STPG2: variants seen among roughly 807,000 people sequenced by gnomAD.
STPG2 encodes sperm tail PG-rich repeat containing 2, also known as sperm-tail PG-rich repeat-containing protein 2.
In STPG2, 56 loss-of-function variants were observed where a neutral mutation model predicts 54.2. The observed-to-expected ratio is 1.03, with a 90% CI of 0.83 to 1.29. The LOEUF (loss-of-function observed/expected upper bound fraction) is 1.29. STPG2 is among the 50% of genes most tolerant of loss of function. The pLI is 0.00. For synonymous variants in STPG2, 200 were observed against 181.8 expected (o/e 1.10, Z -0.81); for missense variants, 596 against 544.9 (o/e 1.09, Z -0.93).
chr4:97,848,972 T>C (rs1372799565), intron 8 of STPG2, among the ~76,000 whole-genome samples: 1 of 148,954 alleles, frequency 6.7e-6, no homozygotes, highest in Non-Finnish European at 1.5e-5. Context: ...AGGATTGACT[T>C]GGCGATGTGG....
intron 10 of STPG2, among the ~76,000 whole-genome samples, chr4:97,623,467 G>GT (rs1734064792): frequency 7.9e-5 from 12 of 151,900 alleles, no homozygotes; most frequent in Admixed American, 6.6e-5. Flanking sequence ...CTTTTCAAAG[G>GT]AAGACATACA....
At chr4:97,748,377 TAA>T (rs1725483425) in intron 9 of STPG2, among the ~76,000 whole-genome samples, 1 of 151,618 alleles carries the variant, frequency 6.6e-6, no homozygotes, top group Non-Finnish European at 1.5e-5. Flanking sequence ...ATTAGAACTA[TAA>T]GTTAGAAAGA....
intron 4 of STPG2, among the ~76,000 whole-genome samples, chr4:97,455,113 G>C (rs914979123): frequency 6.6e-6 from 1 of 152,072 alleles, no homozygotes; most frequent in African/African-American, 2.4e-5. Flanking sequence ...GCTCAAAAGA[G>C]ATCACAGACC....
chr4:98,106,110 T>G (rs1384359492), intron 4 of STPG2, 46 bp from the exon 5 acceptor site: 1 of 1,208,388 alleles, frequency 8.3e-7, no homozygotes, highest in Admixed American at 3.1e-5. Context: ...ATTTTAAACC[T>G]ATAAATATTT....
chr4:97,970,148 G>A (rs922565823), intron 7 of STPG2, among the ~76,000 whole-genome samples: 1 of 152,140 alleles, frequency 6.6e-6, no homozygotes, highest in Non-Finnish European at 1.5e-5. Context: ...ACTGCTCAAC[G>A]AAATAAAAGA....
chr4:97,582,387 TC>T (rs1732884340), intron 10 of STPG2, among the ~76,000 whole-genome samples: 1 of 152,074 alleles, frequency 6.6e-6, no homozygotes, highest in Non-Finnish European at 1.5e-5. Context: ...GGTAAAAATG[TC>T]ATGGCAAGCA....
intron 5 of STPG2, among the ~76,000 whole-genome samples, chr4:98,046,713 A>T (rs1737140690): frequency 6.6e-6 from 1 of 152,066 alleles, no homozygotes; most frequent in Non-Finnish European, 1.5e-5. Flanking sequence ...ATTTTATCTC[A>T]CTCACTCTGC....
At position 98,110,004 on chromosome 4, in the gene STPG2, T is replaced by G. The variant is rs183792962; in HGVS notation, c.388-699A>C. Among the ~76,000 whole-genome samples the G allele has an allele frequency of 2.6e-4, 40 of 152,300 alleles. 1 individual carries two copies. In the East Asian group the frequency reaches 7.5e-3, roughly 29 times the overall value. On this transcript the variant is annotated intron_variant, in intron 3 of 10. Coordinates refer to ENST00000295268, the MANE Select transcript of STPG2 (RefSeq NM_174952.3). ...GCATAACACAACAGTAGCTTCTTTT[T>G]TACAGGAATCCTCTTGACCTAAAAC...
intron 10 of STPG2, among the ~76,000 whole-genome samples, chr4:97,594,307 A>G (rs1313365296): frequency 1.3e-5 from 2 of 152,244 alleles, no homozygotes; most frequent in Non-Finnish European, 1.5e-5. Flanking sequence ...GAAAGAACCA[A>G]ACTGATCTGA....
chr4:98,056,079 C>T (rs998546130), intron 5 of STPG2, among the ~76,000 whole-genome samples: 1 of 152,124 alleles, frequency 6.6e-6, no homozygotes, highest in African/African-American at 2.4e-5. Flanking sequence ...TTACTTGCAA[C>T]ACCAGCACAT....
At chr4:97,835,596 T>C (rs2149116625) in intron 9 of STPG2, among the ~76,000 whole-genome samples, 1 of 152,290 alleles carries the variant, frequency 6.6e-6, no homozygotes, top group Admixed American at 6.5e-5. Context: ...ACACCCATTC[T>C]GAAGCCCATG....
chr4:97,639,845 C>A (rs536371550), intron 10 of STPG2, among the ~76,000 whole-genome samples: 1 of 151,812 alleles, frequency 6.6e-6, no homozygotes, highest in Non-Finnish European at 1.5e-5. Flanking sequence ...AAAAATAAAA[C>A]TAACAATAAC....
At chr4:97,677,364 G>GA (rs1190847920) in intron 10 of STPG2, among the ~76,000 whole-genome samples, 2 of 152,004 alleles carry the variant, frequency 1.3e-5, no homozygotes, top group Admixed American at 6.6e-5. Context: ...ATTTAATCAT[G>GA]AAAAAAATGA....
At chr4:97,957,891 C>T (rs1056160410) in intron 7 of STPG2, among the ~76,000 whole-genome samples, 2 of 152,118 alleles carry the variant, frequency 1.3e-5, no homozygotes, top group Admixed American at 1.3e-4. Flanking sequence ...CACTACCAGG[C>T]CAGTACTACA....
intron 5 of STPG2, among the ~76,000 whole-genome samples, chr4:98,086,755 T>A (rs1453076600): frequency 1.3e-5 from 2 of 151,790 alleles, no homozygotes; most frequent in Admixed American, 6.6e-5. Context: ...CCACTGGTTT[T>A]GTTTAAAGTA....
intron 9 of STPG2, among the ~76,000 whole-genome samples, chr4:97,807,384 C>A (rs918679022): frequency 6.6e-6 from 1 of 151,922 alleles, no homozygotes; most frequent in African/African-American, 2.4e-5. Context: ...ACAACTCTAT[C>A]TAAAAACAAT....
At chr4:97,791,060 G>C (rs1726975510) in intron 9 of STPG2, among the ~76,000 whole-genome samples, 1 of 152,076 alleles carries the variant, frequency 6.6e-6, no homozygotes, top group African/African-American at 2.4e-5. Context: ...CTCTGAAAAA[G>C]CAAAGCAGAC....
At chr4:98,114,428 C>A (rs1486236793) in intron 3 of STPG2, among the ~76,000 whole-genome samples, 1 of 151,884 alleles carries the variant, frequency 6.6e-6, no homozygotes, top group Non-Finnish European at 1.5e-5. Context: ...ATATTTCACA[C>A]AAGAACATAT....
chr4:97,509,706 C>T (rs1219713941), intron 4 of STPG2, among the ~76,000 whole-genome samples: 1 of 151,958 alleles, frequency 6.6e-6, no homozygotes, highest in African/African-American at 2.4e-5. Context: ...ACTGACAAGG[C>T]TTTCTCTATT....
Sources: gnomAD v4.1 joint callset for allele counts (sites outside exome capture counted in the v4.1 genomes callset) on GRCh38, gnomAD v4.1.1 for gene constraint, MANE v1.5 for transcripts, NCBI Gene and HGNC (gene_info 2026-07-23, HGNC 2026-07-21) for gene names.